Variants in ETS2 observed in about 807,000 individuals in gnomAD.
ETS2 encodes the protein protein C-ets-2.
ETS2 carries 19 observed loss-of-function variants against 54.9 expected under a neutral mutation model. That is an observed-to-expected ratio of 0.35 (90% CI 0.24 to 0.51). The LOEUF is 0.51. Among genes scored for constraint, ETS2 ranks in the 20% least tolerant of loss-of-function variants. The pLI, the probability that ETS2 is intolerant of heterozygous loss-of-function variation, is 0.97. For synonymous variants in ETS2, 219 were observed against 229.3 expected, an observed-to-expected ratio of 0.95 and a Z score of 0.41; for missense variants, 417 against 593.0, an observed-to-expected ratio of 0.70 and a Z score of 3.08.
intron 7 of ETS2, 110 bp from the exon 8 acceptor site, chr21:38,819,393 A>G (rs925059489): frequency 6.2e-6 from 6 of 972,550 alleles, no homozygotes; most frequent in Non-Finnish European, 3.2e-6. Context: ...GAGTGGTTCT[A>G]CACCAGCAGG....
At chr21:38,805,724 C>A, upstream of ETS2, 1 of 913,122 alleles carries the variant, frequency 1.1e-6, no homozygotes. The surrounding 1 kb of genome is among the most constrained non-coding windows in gnomAD (Gnocchi z 5.2). Context: ...CCCCAACCCT[C>A]CTGCTGCCCC....
At chr21:38,812,882 C>T in intron 2 of ETS2, 121 bp from the exon 3 acceptor site, 1 of 663,032 alleles carries the variant, frequency 1.5e-6, no homozygotes, top group Non-Finnish European at 2.8e-6. Context: ...TCCATGTTTG[C>T]TTCAAAATTG....
chr21:38,812,571 A>G (rs2060917783), intron 2 of ETS2, among the ~76,000 whole-genome samples: 1 of 152,214 alleles, frequency 6.6e-6, no homozygotes, highest in Non-Finnish European at 1.5e-5. Context: ...ACACGAGGTC[A>G]GGAGTTTGAG....
intron 9 of ETS2, among the ~76,000 whole-genome samples, 154 bp from the exon 10 acceptor site, chr21:38,822,520 G>C (rs1021400272): frequency 4.6e-5 from 7 of 152,200 alleles, no homozygotes; most frequent in African/African-American, 1.7e-4. Context: ...AAGGTACTCA[G>C]AGGTACTCAA....
chr21:38,820,863 G>A (rs1213541597), intron 8 of ETS2, among the ~76,000 whole-genome samples: 1 of 152,234 alleles, frequency 6.6e-6, no homozygotes, highest in Non-Finnish European at 1.5e-5. Flanking sequence ...TTGCTGTGAT[G>A]GGCGTGTGAT....
At position 38,821,032 on chromosome 21, in the gene ETS2, T is replaced by G. The variant is rs557582062; in HGVS notation, c.1076-554T>G. On this transcript the variant is annotated intron_variant, in intron 8 of 9. Transcript: ENST00000360938. The surrounding 1 kb of genome is among the most constrained non-coding windows in gnomAD (Gnocchi z 4.2). ...AGCATGCTTCACCAGACAGAGGCTGTGAGGCAACGGGTGTGACCCCGCGTG... is the reference window on the plus strand; with the variant it reads ...AGCATGCTTCACCAGACAGAGGCTGGGAGGCAACGGGTGTGACCCCGCGTG... Among the ~76,000 whole-genome samples, 93 of 152,284 alleles carry G rather than the reference T, an allele frequency of 6.1e-4. No homozygotes were observed. Among genetic ancestry groups the G allele is most frequent in the African/African-American group, 2.1e-3 (87 of 41,564 alleles).
chr21:38,816,506 C>T (rs2060936124), intron 5 of ETS2, among the ~76,000 whole-genome samples: 1 of 148,852 alleles, frequency 6.7e-6, no homozygotes. Context: ...AGTGCACAAA[C>T]CTTTTCCCTT....
At chr21:38,805,524 C>G (rs940690903), upstream of ETS2, 4 of 1,287,328 alleles carry the variant, frequency 3.1e-6, no homozygotes, top group Admixed American at 9.2e-5. This position sits in a 1 kb window ranked among gnomAD's most constrained non-coding sequence, Gnocchi z 5.2. Context: ...AGGGCGCACA[C>G]TCGCGCGCAC....
At position 38,806,307 on chromosome 21, in the gene ETS2, G is replaced by C; in HGVS notation, c.-1+187G>C. On this transcript the variant is annotated intron_variant, in intron 1 of 9. Transcript: ENST00000360938. The surrounding 1 kb of genome is among the most constrained non-coding windows in gnomAD (Gnocchi z 4.3). ...GCGCGTCTGAGTTCCGCGCCGGCTC[G>C]TTTTCCGGTTATGGAGTGGCCTCCG... The C allele has an allele frequency of 1.0e-6, 1 of 954,720 alleles. No homozygotes were observed. The highest frequency in any genetic ancestry group is 1.2e-6 in the Non-Finnish European group (1 of 801,884). 59.1% of individuals were successfully genotyped at this position (954,720 alleles called of 1,614,324 possible).
At chr21:38,819,872 G>A in intron 8 of ETS2, 106 bp downstream of exon 8, 3 of 1,094,290 alleles carry the variant, frequency 2.7e-6, no homozygotes, top group Non-Finnish European at 3.9e-6. Context: ...TCTAAGCTAG[G>A]TACACCAGTG....
At chr21:38,818,275 G>C in intron 6 of ETS2, 150 bp from the exon 7 acceptor site, 1 of 972,022 alleles carries the variant, frequency 1.0e-6, no homozygotes, top group Non-Finnish European at 1.5e-6. Context: ...AGAAGGCCTG[G>C]TGACAGACCC....
At chr21:38,813,983 A>G (rs1326476924) in intron 3 of ETS2, among the ~76,000 whole-genome samples, 1 of 152,250 alleles carries the variant, frequency 6.6e-6, no homozygotes, top group Admixed American at 6.5e-5. Flanking sequence ...CTACAATTTT[A>G]AAATAGACTT....
intron 3 of ETS2, among the ~76,000 whole-genome samples, chr21:38,813,615 G>A (rs187747596): frequency 7.9e-5 from 12 of 152,290 alleles, no homozygotes; most frequent in South Asian, 4.1e-4. Context: ...GGAATAGCAC[G>A]TCAGATAATG....
At position 38,814,420 on chromosome 21, in the gene ETS2, TG is replaced by T; in HGVS notation, c.304+31del. The T allele has an allele frequency of 6.2e-7, 1 of 1,611,760 alleles. No homozygotes were observed. Among genetic ancestry groups the T allele is most frequent in the Non-Finnish European group, 8.5e-7 (1 of 1,179,100 alleles). ...AAGTACTGCTTTCCTGAGCCTGCAC[TG>T]GGTGAGAAGAACCAACTTCAGTGCA... On this transcript the variant is annotated intron_variant, in intron 4 of 9. Coordinates refer to ENST00000360938, the MANE Select transcript of ETS2 (RefSeq NM_005239.6). The surrounding 1 kb of genome is among the most constrained non-coding windows in gnomAD (Gnocchi z 4.2).
rs761818763 is a variant in ETS2 at position 38,821,734 on chromosome 21, G to A, written c.1194+30G>A. The A allele has an allele frequency of 2.6e-6, 4 of 1,512,942 alleles. No individual in the cohort carries two copies. Among genetic ancestry groups the A allele is most frequent in the Admixed American group, 1.7e-5 (1 of 58,906 alleles). 93.7% of individuals were successfully genotyped at this position (1,512,942 alleles called of 1,614,324 possible). ...GGCCAGAGCCCTGGGAAATCTCTGG[G>A]CTTGAAAACCTGATTTCCTGCTTGC... is the stretch of plus-strand genomic sequence containing the variant. On this transcript the variant is annotated intron_variant, in intron 9 of 9. Transcript: ENST00000360938. This position sits in a 1 kb window ranked among gnomAD's most constrained non-coding sequence, Gnocchi z 4.2.
intron 5 of ETS2, among the ~76,000 whole-genome samples, chr21:38,815,534 G>C (rs2060929656): frequency 6.6e-6 from 1 of 152,196 alleles, no homozygotes; most frequent in South Asian, 2.1e-4. Flanking sequence ...ATATTGTACA[G>C]AAACTGGCCA....
chr21:38,818,039 G>T (rs1348907843), intron 6 of ETS2, among the ~76,000 whole-genome samples: 1 of 151,968 alleles, frequency 6.6e-6, no homozygotes, highest in East Asian at 1.9e-4. Context: ...CAGCACACAG[G>T]GTTCATGGCC....
At chr21:38,817,178 G>GC in intron 6 of ETS2, 87 bp downstream of exon 6, 1 of 846,696 alleles carries the variant, frequency 1.2e-6, no homozygotes, top group Non-Finnish European at 2.0e-6. Context: ...CTCCTAAGGG[G>GC]CCACCTAGAC....
intron 2 of ETS2, among the ~76,000 whole-genome samples, chr21:38,810,915 C>T (rs1182103543): frequency 2.6e-5 from 4 of 152,168 alleles, no homozygotes; most frequent in African/African-American, 9.7e-5. Flanking sequence ...AGGCAAAACT[C>T]AGCACAGTCC....
Sources: gnomAD v4.1 joint callset for allele counts (sites outside exome capture counted in the v4.1 genomes callset) on GRCh38, gnomAD v4.1.1 for gene constraint, Gnocchi (gnomAD v3.1) non-coding constraint, MANE v1.5 for transcripts, NCBI Gene and HGNC (gene_info 2026-07-23, HGNC 2026-07-21) for gene names.